Variants in USF3 observed in about 807,000 individuals in gnomAD.
The protein encoded by USF3 is upstream transcription factor family member 3.
A neutral mutation model predicts 157.5 loss-of-function variants in USF3; 29 were observed. The ratio of observed to expected loss-of-function variants is 0.18; its 90% CI spans 0.14 to 0.25. The LOEUF (loss-of-function observed/expected upper bound fraction) is 0.25, where lower values mean the gene tolerates loss of function less well. Ranked by LOEUF, USF3 falls within the 10% of genes least tolerant of loss-of-function variation. USF3 has a pLI of 1.00. For synonymous variants in USF3, 893 were observed against 941.4 expected (o/e 0.95, Z 0.94); for missense variants, 2,381 against 2,667.6 (o/e 0.89, Z 2.37).
chr3:113,683,270 TATCTA>T (rs1172985278), intron 1 of USF3, among the ~76,000 whole-genome samples: 4 of 149,898 alleles, frequency 2.7e-5, no homozygotes, highest in Non-Finnish European at 1.5e-5. Context: ...TAAAAACTAT[TATCTA>T]GTTTTTAATC....
chr3:113,665,754 G>A (rs1454633686), intron 5 of USF3, among the ~76,000 whole-genome samples: 3 of 152,196 alleles, frequency 2.0e-5, no homozygotes, highest in Admixed American at 6.5e-5. Flanking sequence ...CTTGAACCTG[G>A]GAGGCAGAGA....
chr3:113,695,419 G>A (rs1707776784), intron 1 of USF3, among the ~76,000 whole-genome samples: 1 of 152,200 alleles, frequency 6.6e-6, no homozygotes, highest in Non-Finnish European at 1.5e-5. Context: ...TTACAAAAGA[G>A]CAAACCTGGG....
intron 1 of USF3, among the ~76,000 whole-genome samples, chr3:113,681,554 ATTTTTTTTTTTT>A (rs566594731): frequency 1.6e-5 from 2 of 127,008 alleles, no homozygotes; most frequent in East Asian, 2.3e-4. Context: ...CGACTGGCTA[ATTTTTTTTTTTT>A]TTTTTTTGTA....
intron 1 of USF3, among the ~76,000 whole-genome samples, chr3:113,691,920 T>C (rs927112469): frequency 1.3e-5 from 2 of 152,206 alleles, no homozygotes; most frequent in African/African-American, 4.8e-5. Flanking sequence ...CTCTGACCCC[T>C]AGAGCAGTGG....
chr3:113,670,609 A>C (rs1388960532), intron 4 of USF3, among the ~76,000 whole-genome samples: 2 of 152,138 alleles, frequency 1.3e-5, no homozygotes, highest in Non-Finnish European at 2.9e-5. Context: ...GAAAATAAAA[A>C]AAAAGGGAAG....
At chr3:113,666,648 T>G (rs1400902494) in intron 5 of USF3, among the ~76,000 whole-genome samples, 1 of 148,724 alleles carries the variant, frequency 6.7e-6, no homozygotes, top group Non-Finnish European at 1.5e-5. Context: ...CTCAGCTCAC[T>G]GCAACCTCCG....
chr3:113,656,919 T>C lies in USF3; in HGVS notation c.4763A>G (p.His1588Arg). The C allele has an allele frequency of 1.2e-6, 2 of 1,614,166 alleles. No homozygotes were observed. Among genetic ancestry groups the C allele is most frequent in the Non-Finnish European group, 1.7e-6 (2 of 1,180,016 alleles). The stretch of plus-strand genomic sequence containing the variant: ...GAGATGGTTCTGGGGATGGTTATGA[T>C]GGTTCCGACTAGTTGAAGGGTTTTC... ...SCENPSTSRNHHNHPQNHLNQ... is the reference protein window; with the variant it reads ...SCENPSTSRNRHNHPQNHLNQ... The change falls in exon 7 of 7, where the codon CAT (histidine) becomes CGT (arginine). Residue 1588 changes from histidine to arginine, a missense_variant. This residue lies in a region of USF3 where 770 missense variants were observed against 824.2 expected (regional missense o/e 0.93). Transcript: ENST00000316407.
At chr3:113,678,132 A>C (rs191341212) in intron 1 of USF3, among the ~76,000 whole-genome samples, 2 of 151,678 alleles carry the variant, frequency 1.3e-5, no homozygotes, top group Non-Finnish European at 2.9e-5. Context: ...CAAGAGAGGG[A>C]TCTGAATTTT....
rs1266464109 is a variant in USF3 at position 113,652,108 on chromosome 3, A to AGAGAGTGTGTGTGTGTGTGT, written c.*2835_*2836insACACACACACACACACTCTC. The AGAGAGTGTGTGTGTGTGTGT allele has an allele frequency of 7.0e-6, 1 of 141,978 alleles. No homozygotes were observed. The highest frequency in any genetic ancestry group is 2.6e-5 in the African/African-American group (1 of 38,276). 8.8% of individuals were successfully genotyped at this position (141,978 alleles called of 1,614,324 possible). A position where few individuals can be genotyped will look rare whatever the true frequency, so the allele number is the denominator to read the frequency against. On this transcript the variant is annotated 3_prime_UTR_variant, in exon 7 of 7. Coordinates refer to ENST00000316407, the MANE Select transcript of USF3 (RefSeq NM_001009899.4). ...TGGAGAGAGAGAGAGAGAGAGAGAGAGTGTGTGTGTGTGTGTGTGTGTGTG... is the reference window on the plus strand; with the variant it reads ...TGGAGAGAGAGAGAGAGAGAGAGAGAGAGAGTGTGTGTGTGTGTGTGTGTGTGTGTGTGTGTGTGTGTGTG...
Position 113,659,659 on chromosome 3 carries a change from G to A in USF3, c.2023C>T (p.Pro675Ser), listed in dbSNP as rs1236099553. 5.6e-6 allele frequency: 9 copies of A among 1,614,214 alleles called. No homozygotes were observed. In the East Asian group the frequency reaches 2.0e-4, roughly 36 times the overall value. ...SLNGQLFALQ[P>S]VMSSSGTTNQ... ...GTAGTTCCTGATGAAGACATCACAGGCTGCAAAGCAAAGAGCTGTCCATTT... is the reference window on the plus strand; with the variant it reads ...GTAGTTCCTGATGAAGACATCACAGACTGCAAAGCAAAGAGCTGTCCATTT... The change falls in exon 7 of 7, where the codon CCT becomes TCT. Residue 675 changes from proline (P) to serine (S), a missense_variant. Physicochemically the swap from Pro to Ser is moderately conservative, Grantham distance 74. This residue lies in a region of USF3 where 1,435 missense variants were observed against 1,550.9 expected (regional missense o/e 0.93). Coordinates refer to ENST00000316407, the MANE Select transcript of USF3 (RefSeq NM_001009899.4).
intron 6 of USF3, among the ~76,000 whole-genome samples, chr3:113,664,015 A>G (rs539461026): frequency 2.6e-5 from 4 of 152,328 alleles, no homozygotes; most frequent in South Asian, 4.1e-4. Flanking sequence ...GCAATGTCCA[A>G]TTGGAATAAA....
At position 113,658,301 on chromosome 3, in the gene USF3, T is replaced by C; in HGVS notation, c.3381A>G (p.Val1127=). 3 of 1,614,190 alleles carry C rather than the reference T, an allele frequency of 1.9e-6. No homozygotes were observed. The highest frequency in any genetic ancestry group is 2.5e-6 in the Non-Finnish European group (3 of 1,180,022). The change falls in exon 7 of 7, where the codon GTA becomes GTG. Residue 1127 remains valine (V), a synonymous_variant. Transcript: ENST00000316407. ...CAAGAGCTACTATATCAGTTTGCTC[T>C]ACAAAGGTACAGCTGTCACATGTAT... ...TTNTCDSCTF[V]EQTDIVALAA...
chr3:113,660,167 AG>A lies in USF3; in HGVS notation c.1514del (p.Pro505LeufsTer5). 1 of 1,614,188 alleles carries A rather than the reference AG, an allele frequency of 6.2e-7. No individual in the cohort carries two copies. Among genetic ancestry groups the A allele is most frequent in the Non-Finnish European group, 8.5e-7 (1 of 1,180,028 alleles). On this transcript the variant is annotated frameshift_variant, in exon 7 of 7. Coordinates refer to ENST00000316407, the MANE Select transcript of USF3 (RefSeq NM_001009899.4). LOFTEE classifies it high-confidence loss of function. Reference protein sequence around the residue: ...VVTLPSCPSLPMQPLIAQPQV... With the variant: ...VVTLPSCPSLXMQPLIAQPQV... ...GTGGCTGGGCAATTAGTGGCTGCAT[AG>A]GTAAAGATGGACAAGAAGGCAATGT...
intron 4 of USF3, among the ~76,000 whole-genome samples, chr3:113,672,677 A>G (rs896892780): frequency 6.6e-6 from 1 of 152,186 alleles, no homozygotes; most frequent in Admixed American, 6.5e-5. Context: ...CAAAGGCAAT[A>G]AACTCCACAT....
intron 1 of USF3, among the ~76,000 whole-genome samples, chr3:113,694,349 C>A (rs1226825964): frequency 6.6e-6 from 1 of 152,138 alleles, no homozygotes; most frequent in Non-Finnish European, 1.5e-5. Flanking sequence ...GGAAAAGTAC[C>A]CATCAATTTC....
chr3:113,681,554 A>ATTT (rs566594731), intron 1 of USF3, among the ~76,000 whole-genome samples: 2 of 127,056 alleles, frequency 1.6e-5, no homozygotes, highest in African/African-American at 3.0e-5. Flanking sequence ...CGACTGGCTA[A>ATTT]TTTTTTTTTT....
At position 113,658,969 on chromosome 3, in the gene USF3, C is replaced by G. The variant is rs1384583526; in HGVS notation, c.2713G>C (p.Ala905Pro). 6.2e-7 allele frequency: 1 copy of G among 1,614,116 alleles called. No homozygotes were observed. The highest frequency in any genetic ancestry group is 8.5e-7 in the Non-Finnish European group (1 of 1,180,028). Residue 905 changes from alanine to proline, a missense_variant, in exon 7 of 7, where the codon GCC becomes CCC. Ala to Pro is a conservative substitution (Grantham distance 27). Transcript: ENST00000316407. ...GTAGAATCTTTGGATTTTGCTGCGGCCATTGCAAAATGTTCACTTGTTACA... is the reference window on the plus strand; with the variant it reads ...GTAGAATCTTTGGATTTTGCTGCGGGCATTGCAAAATGTTCACTTGTTACA... The part of the protein sequence containing the change: ...ESVTSEHFAM[A>P]AAKSKDSTPN...
chr3:113,673,041 C>T (rs1452321076), intron 4 of USF3, among the ~76,000 whole-genome samples: 1 of 152,078 alleles, frequency 6.6e-6, no homozygotes, highest in Non-Finnish European at 1.5e-5. Flanking sequence ...AGATACATAC[C>T]CTCCATACTA....
At chr3:113,668,314 C>G (rs1202532284) in intron 5 of USF3, among the ~76,000 whole-genome samples, 1 of 152,104 alleles carries the variant, frequency 6.6e-6, no homozygotes, top group East Asian at 1.9e-4. Flanking sequence ...AAAACTCTGC[C>G]TACTACAGCA....
Sources: gnomAD v4.1 joint callset for allele counts (sites outside exome capture counted in the v4.1 genomes callset) on GRCh38, gnomAD v4.1.1 for gene constraint, gnomAD v4.1.1 regional missense constraint, MANE v1.5 for transcripts, NCBI Gene and HGNC (gene_info 2026-07-23, HGNC 2026-07-21) for gene names.